The following TSPAN9 variants were observed in gnomAD, a reference collection of about 807,000 sequenced individuals.
TSPAN9 encodes tetraspanin-9.
Under a neutral mutation model 31.0 loss-of-function variants are expected in TSPAN9, and 16 were observed. The observed-to-expected ratio is 0.52, with a 90% CI of 0.35 to 0.78. The LOEUF is 0.78. Ranked by LOEUF, TSPAN9 falls within the 30% of genes least tolerant of loss-of-function variation. The probability of loss-of-function intolerance (pLI) is 0.01; values close to 1 mark genes in which losing one functional copy is unlikely to be tolerated. For synonymous variants in TSPAN9, 145 were observed against 121.6 expected (o/e 1.19, Z -1.27); for missense variants, 272 against 312.5 (o/e 0.87, Z 0.98).
intron 2 of TSPAN9, among the ~76,000 whole-genome samples, chr12:3,164,200 A>C (rs541038370): frequency 1.2e-4 from 19 of 152,314 alleles, no homozygotes; most frequent in African/African-American, 3.8e-4. Context: ...CTTTCGTATG[A>C]GTTTTTGCTT....
At chr12:3,279,898 C>T (rs1403860262) in intron 5 of TSPAN9, among the ~76,000 whole-genome samples, 1 of 152,186 alleles carries the variant, frequency 6.6e-6, no homozygotes, top group Non-Finnish European at 1.5e-5. Context: ...TGAGTAGATG[C>T]TGCTGTTCAA....
chr12:3,109,661 C>T (rs1401476681), intron 2 of TSPAN9, among the ~76,000 whole-genome samples: 1 of 151,460 alleles, frequency 6.6e-6, no homozygotes, highest in East Asian at 2.0e-4. Flanking sequence ...AGCCGGGCAT[C>T]GTGGCAGGCG....
intron 2 of TSPAN9, among the ~76,000 whole-genome samples, chr12:3,179,965 T>C (rs2098357825): frequency 6.6e-6 from 1 of 152,126 alleles, no homozygotes; most frequent in African/African-American, 2.4e-5. Context: ...TGGTAAAGCT[T>C]CCTGGCCAGG....
At chr12:3,130,323 T>A (rs1207188955) in intron 2 of TSPAN9, among the ~76,000 whole-genome samples, 2 of 152,346 alleles carry the variant, frequency 1.3e-5, no homozygotes, top group South Asian at 4.1e-4. Flanking sequence ...CCCCTCTATT[T>A]AACAACATTT....
intron 1 of TSPAN9, among the ~76,000 whole-genome samples, chr12:3,078,200 G>A (rs2098296073): frequency 6.6e-6 from 1 of 152,064 alleles, no homozygotes; most frequent in Non-Finnish European, 1.5e-5. Flanking sequence ...GATCCCCTGA[G>A]CTACCTTTTT....
chr12:3,093,078 TA>T (rs2098305730), intron 2 of TSPAN9, among the ~76,000 whole-genome samples: 1 of 152,224 alleles, frequency 6.6e-6, no homozygotes. Flanking sequence ...TCCTGAATCA[TA>T]CACATTGTCT....
intron 2 of TSPAN9, among the ~76,000 whole-genome samples, chr12:3,188,772 A>G (rs901885136): frequency 2.0e-5 from 3 of 151,954 alleles, no homozygotes; most frequent in Non-Finnish European, 4.4e-5. Flanking sequence ...CTGGTGGGTG[A>G]CTCCAGAGAG....
intron 3 of TSPAN9, among the ~76,000 whole-genome samples, chr12:3,251,834 C>A (rs1274507343): frequency 6.6e-6 from 1 of 152,124 alleles, no homozygotes; most frequent in Non-Finnish European, 1.5e-5. Context: ...AAAGGGGACC[C>A]GGCTCCCAGG....
chr12:3,094,062 A>G (rs772315558), intron 2 of TSPAN9, among the ~76,000 whole-genome samples: 3 of 152,072 alleles, frequency 2.0e-5, no homozygotes, highest in Non-Finnish European at 4.4e-5. Flanking sequence ...GGGTCGCACT[A>G]TGTTGCCCAG....
intron 2 of TSPAN9, among the ~76,000 whole-genome samples, chr12:3,092,079 A>T (rs1156863853): frequency 6.6e-6 from 1 of 152,190 alleles, no homozygotes; most frequent in Non-Finnish European, 1.5e-5. Flanking sequence ...AAGAAAAGAA[A>T]CCTCAGCAAC....
Position 3,112,676 on chromosome 12 carries a change from C to CTTTTTTTT in TSPAN9, c.-18+28969_-18+28976dup, listed in dbSNP as rs765040711. On this transcript the variant is annotated intron_variant, in intron 2 of 8. Coordinates refer to ENST00000011898, the MANE Select transcript of TSPAN9 (RefSeq NM_006675.5). ...TTATTCTCAATCTCATTTATTTTTG[C>CTTTTTTTT]TTTTTTTTTTTTTTTTTTTGGAGAC... is the stretch of plus-strand genomic sequence containing the variant. Among the ~76,000 whole-genome samples, 5 of 88,502 alleles carry CTTTTTTTT rather than the reference C, an allele frequency of 5.6e-5. 1 individual carries two copies. The highest frequency in any genetic ancestry group is 8.4e-5 in the Non-Finnish European group (4 of 47,462). 58.1% of individuals were successfully genotyped at this position (88,502 alleles called of 152,430 possible). A position where few individuals can be genotyped will look rare whatever the true frequency, so the allele number is the denominator to read the frequency against.
At position 3,156,585 on chromosome 12, in the gene TSPAN9, TC is replaced by T. The variant is rs1405748220; in HGVS notation, c.-17-44587del. ...GGCATGATCTCGGCTCACTGCAACCTCCCCCTCCCAGATTCAAACCTCCCAG... is the reference window on the plus strand; with the variant it reads ...GGCATGATCTCGGCTCACTGCAACCTCCCCTCCCAGATTCAAACCTCCCAG... On this transcript the variant is annotated intron_variant, in intron 2 of 8. Transcript: ENST00000011898. Among the ~76,000 whole-genome samples the T allele has an allele frequency of 4.7e-5, 7 of 149,148 alleles. No homozygotes were observed. In the South Asian group the frequency reaches 1.6e-3, roughly 34 times the overall value.
At chr12:3,106,014 AC>A (rs2098314469) in intron 2 of TSPAN9, among the ~76,000 whole-genome samples, 2 of 149,234 alleles carry the variant, frequency 1.3e-5, no homozygotes, top group Admixed American at 1.3e-4. Flanking sequence ...ACACTCATAT[AC>A]CCCCTTACCC....
Position 3,124,253 on chromosome 12 carries a change from A to G in TSPAN9, c.-18+40534A>G, listed in dbSNP as rs149088322. On this transcript the variant is annotated intron_variant, in intron 2 of 8. Transcript: ENST00000011898. The stretch of plus-strand genomic sequence containing the variant: ...TGCAACATTGCTTAGAATTATTTTT[A>G]GTGCAATTATTTGGAAGTTTATATC... Among the ~76,000 whole-genome samples, 11 of 152,304 alleles carry G rather than the reference A, an allele frequency of 7.2e-5. No individual in the cohort carries two copies. The East Asian group carries it at 1.7e-3, about 24-fold the overall frequency.
intron 2 of TSPAN9, among the ~76,000 whole-genome samples, chr12:3,110,491 T>C (rs1398716156): frequency 6.6e-6 from 1 of 152,196 alleles, no homozygotes; most frequent in Non-Finnish European, 1.5e-5. Flanking sequence ...GGCCAGGACA[T>C]AGCTGGTGCA....
chr12:3,241,520 C>T (rs1240244433), intron 3 of TSPAN9, among the ~76,000 whole-genome samples: 1 of 152,178 alleles, frequency 6.6e-6, no homozygotes, highest in African/African-American at 2.4e-5. Flanking sequence ...TATATGTCTA[C>T]AAATACAACT....
chr12:3,137,311 C>G (rs899907765), intron 2 of TSPAN9, among the ~76,000 whole-genome samples: 1 of 152,222 alleles, frequency 6.6e-6, no homozygotes, highest in African/African-American at 2.4e-5. Flanking sequence ...CCGGGCCACG[C>G]TCTCCTGGCT....
chr12:3,132,583 C>T (rs1033560630), intron 2 of TSPAN9, among the ~76,000 whole-genome samples: 2 of 152,128 alleles, frequency 1.3e-5, no homozygotes, highest in African/African-American at 2.4e-5. Context: ...TTGAGTCTCT[C>T]CCACTGTTCT....
At chr12:3,201,048 T>C in intron 2 of TSPAN9, 129 bp from the exon 3 acceptor site, 1 of 832,154 alleles carries the variant, frequency 1.2e-6, no homozygotes, top group Non-Finnish European at 1.9e-6. Flanking sequence ...GCCGGCGCCT[T>C]CTACGGCACC....
Sources: allele counts gnomAD v4.1 joint callset (sites outside exome capture counted in the v4.1 genomes callset), GRCh38; gene constraint gnomAD v4.1.1; transcripts MANE v1.5; gene names NCBI Gene and HGNC (gene_info 2026-07-23, HGNC 2026-07-21).